TNFAIP8: variants seen among roughly 807,000 people sequenced by gnomAD.
TNFAIP8 encodes the protein tumor necrosis factor alpha-induced protein 8.
TNFAIP8 carries 7 observed loss-of-function variants against 13.3 expected under a neutral mutation model. That is an observed-to-expected ratio of 0.52 (90% CI 0.30 to 0.99). The LOEUF (loss-of-function observed/expected upper bound fraction) is 0.99, where lower values mean the gene tolerates loss of function less well. TNFAIP8 is among the 50% of genes least tolerant of loss of function. TNFAIP8 has a pLI of 0.07. For missense variants in TNFAIP8, 258 were observed against 236.9 expected (o/e 1.09, Z -0.58); for synonymous variants, 94 against 87.6 (o/e 1.07, Z -0.41).
intron 1 of TNFAIP8, among the ~76,000 whole-genome samples, chr5:119,291,743 C>T (rs1748992235): frequency 6.6e-6 from 1 of 152,144 alleles, no homozygotes; most frequent in South Asian, 2.1e-4. Context: ...ATTCATTGTC[C>T]TTGTATTTTC....
At chr5:119,352,083 C>T (rs541391001), upstream of TNFAIP8, among the ~76,000 whole-genome samples, 10 of 152,222 alleles carry the variant, frequency 6.6e-5, no homozygotes, top group African/African-American at 9.6e-5. Flanking sequence ...CCACTGTGCC[C>T]GGCCATAAAT....
At chr5:119,366,510 G>T (rs1159149507) in intron 1 of TNFAIP8, among the ~76,000 whole-genome samples, 1 of 152,150 alleles carries the variant, frequency 6.6e-6, no homozygotes, top group Non-Finnish European at 1.5e-5. Flanking sequence ...TTTCTTACTG[G>T]GTTATAAAAA....
In TNFAIP8 at chr5:119,397,915, A is replaced by G. The variant is rs1753111873; in HGVS notation, c.*4534A>G. On this transcript the variant is annotated 3_prime_UTR_variant, in exon 2 of 2. Coordinates refer to ENST00000504771, the MANE Select transcript of TNFAIP8 (RefSeq NM_014350.4). ...TATTGATTCATTTCTGTCTCACCAA[A>G]GATGTGTTTTCCACGTAGCAAAGAA... is the stretch of plus-strand genomic sequence containing the variant. 1 of 152,202 alleles carries G rather than the reference A, an allele frequency of 6.6e-6. No individual in the cohort carries two copies. Among genetic ancestry groups the G allele is most frequent in the Non-Finnish European group, 1.5e-5 (1 of 68,032 alleles). 9.4% of individuals were successfully genotyped at this position (152,202 alleles called of 1,614,324 possible). A position where few individuals can be genotyped will look rare whatever the true frequency, so the allele number is the denominator to read the frequency against.
At chr5:119,326,972 C>T (rs939129375) in intron 1 of TNFAIP8, among the ~76,000 whole-genome samples, 2 of 152,144 alleles carry the variant, frequency 1.3e-5, no homozygotes, top group Non-Finnish European at 1.5e-5. Context: ...AGCCCGTGTG[C>T]CCTCCATTGT....
chr5:119,362,634 CAA>C (rs750200586), intron 1 of TNFAIP8, among the ~76,000 whole-genome samples: 88 of 151,268 alleles, frequency 5.8e-4, no homozygotes, highest in Admixed American at 1.7e-3. Context: ...CCCATCTCTA[CAA>C]AAAAAATTTA....
At chr5:119,288,924 A>G (rs1748899125) in intron 1 of TNFAIP8, among the ~76,000 whole-genome samples, 1 of 152,242 alleles carries the variant, frequency 6.6e-6, no homozygotes, top group African/African-American at 2.4e-5. Flanking sequence ...CTTTGGCCCT[A>G]GGCTAAATTG....
intron 1 of TNFAIP8, among the ~76,000 whole-genome samples, chr5:119,292,685 T>TATATATATATACAC (rs1470227218): frequency 1.3e-4 from 7 of 52,330 alleles, no homozygotes; most frequent in South Asian, 8.9e-4. Flanking sequence ...TATATATATA[T>TATATATATATACAC]ACACACACAC....
chr5:119,385,893 T>A (rs1161169237), intron 1 of TNFAIP8, among the ~76,000 whole-genome samples: 1 of 152,258 alleles, frequency 6.6e-6, no homozygotes, highest in African/African-American at 2.4e-5. Context: ...GAAACACATC[T>A]ATGTGGTCCA....
At chr5:119,348,159 G>A (rs1046341545) in intron 1 of TNFAIP8, among the ~76,000 whole-genome samples, 1 of 152,148 alleles carries the variant, frequency 6.6e-6, no homozygotes, top group African/African-American at 2.4e-5. Context: ...TTATCACTGG[G>A]TGTCTTGAGC....
chr5:119,302,681 T>C (rs1270744216), intron 1 of TNFAIP8, among the ~76,000 whole-genome samples: 5 of 152,218 alleles, frequency 3.3e-5, no homozygotes. Context: ...TTCATTAGGT[T>C]AGCTGGATCA....
chr5:119,282,150 A>T (rs187758143), intron 1 of TNFAIP8, among the ~76,000 whole-genome samples: 2 of 152,316 alleles, frequency 1.3e-5, no homozygotes, highest in East Asian at 3.9e-4. Context: ...TTATGTTACC[A>T]AATCTGAGTG....
intron 1 of TNFAIP8, among the ~76,000 whole-genome samples, chr5:119,362,897 G>A (rs1227641178): frequency 6.6e-6 from 1 of 152,130 alleles, no homozygotes; most frequent in Non-Finnish European, 1.5e-5. Context: ...ACCATGAGTT[G>A]GTCTGGAGGG....
chr5:119,307,561 C>G (rs1749604000), intron 1 of TNFAIP8, among the ~76,000 whole-genome samples: 1 of 152,184 alleles, frequency 6.6e-6, no homozygotes, highest in Non-Finnish European at 1.5e-5. Flanking sequence ...TTAAGCATCT[C>G]TATGTATCCA....
At chr5:119,328,398 C>T (rs1750285494) in intron 1 of TNFAIP8, among the ~76,000 whole-genome samples, 1 of 152,224 alleles carries the variant, frequency 6.6e-6, no homozygotes, top group African/African-American at 2.4e-5. Flanking sequence ...AGAAAGCTCT[C>T]TGTCCTCTAG....
At chr5:119,295,107 G>A (rs1297446588) in intron 1 of TNFAIP8, among the ~76,000 whole-genome samples, 3 of 151,818 alleles carry the variant, frequency 2.0e-5, no homozygotes, top group Non-Finnish European at 4.4e-5. Flanking sequence ...TAGACATGAA[G>A]TCCTTGCCCG....
chr5:119,373,504 A>G (rs953343400), intron 1 of TNFAIP8, among the ~76,000 whole-genome samples: 1 of 152,168 alleles, frequency 6.6e-6, no homozygotes, highest in African/African-American at 2.4e-5. Flanking sequence ...GCAATGTGGA[A>G]GACCTGTTGC....
intron 1 of TNFAIP8, among the ~76,000 whole-genome samples, chr5:119,372,349 A>C (rs1246598140): frequency 1.3e-5 from 2 of 151,522 alleles, no homozygotes; most frequent in Non-Finnish European, 2.9e-5. Flanking sequence ...AGAATACTAG[A>C]AATCACATCA....
chr5:119,318,205 T>TC (rs1427359455), intron 1 of TNFAIP8, among the ~76,000 whole-genome samples: 2 of 152,122 alleles, frequency 1.3e-5, no homozygotes, highest in African/African-American at 4.8e-5. Context: ...GATTGACACT[T>TC]CTTTTTTTTT....
chr5:119,310,349 C>T (rs1171538327), intron 1 of TNFAIP8, among the ~76,000 whole-genome samples: 1 of 151,952 alleles, frequency 6.6e-6, no homozygotes, highest in Non-Finnish European at 1.5e-5. Context: ...AGAAATTGAA[C>T]TTCTCCTAGG....
Sources: gnomAD v4.1 joint callset for allele counts (sites outside exome capture counted in the v4.1 genomes callset) on GRCh38, gnomAD v4.1.1 for gene constraint, MANE v1.5 for transcripts, NCBI Gene and HGNC (gene_info 2026-07-23, HGNC 2026-07-21) for gene names.